CHRM3: variants seen among roughly 807,000 people sequenced by gnomAD.
CHRM3 encodes cholinergic receptor muscarinic 3.
In CHRM3, 11 loss-of-function variants were observed where a neutral mutation model predicts 41.8. The observed-to-expected ratio is 0.26, with a 90% confidence interval of 0.17 to 0.44. CHRM3 has a LOEUF of 0.44. CHRM3 is among the 20% of genes least tolerant of loss of function. CHRM3 has a pLI of 1.00. For synonymous variants in CHRM3, 297 were observed against 301.4 expected (o/e 0.99, Z 0.15); for missense variants, 571 against 745.4 (o/e 0.77, Z 2.72).
intron 4 of CHRM3, among the ~76,000 whole-genome samples, chr1:239,671,287 A>C (rs1674340036): frequency 6.6e-6 from 1 of 152,182 alleles, no homozygotes; most frequent in African/African-American, 2.4e-5. Context: ...CTTCAAAATA[A>C]AAAGCCCAGG....
At chr1:239,738,803 T>C (rs1664605602) in intron 5 of CHRM3, among the ~76,000 whole-genome samples, 2 of 152,170 alleles carry the variant, frequency 1.3e-5, no homozygotes, top group Non-Finnish European at 2.9e-5. Flanking sequence ...AGAAAAGCAC[T>C]GTGTAAATAG....
intron 1 of CHRM3, among the ~76,000 whole-genome samples, chr1:239,404,412 AAGAAAG>A (rs1206699031): frequency 1.5e-4 from 6 of 41,326 alleles, no homozygotes; most frequent in Non-Finnish European, 1.8e-4. Context: ...AAGAAAGAAA[AAGAAAG>A]AAAGAAAGAA....
intron 1 of CHRM3, among the ~76,000 whole-genome samples, chr1:239,438,204 G>T (rs866549210): frequency 1.3e-5 from 2 of 151,944 alleles, no homozygotes; most frequent in African/African-American, 2.4e-5. Context: ...TTCCACTATA[G>T]AATTTTTTTT....
chr1:239,441,569 G>C (rs1663721925), intron 1 of CHRM3, among the ~76,000 whole-genome samples: 1 of 152,172 alleles, frequency 6.6e-6, no homozygotes, highest in South Asian at 2.1e-4. Context: ...GACTGACTTT[G>C]TTCATATGTA....
chr1:239,639,578 G>A (rs1279637489), intron 4 of CHRM3, among the ~76,000 whole-genome samples: 19 of 151,858 alleles, frequency 1.3e-4, no homozygotes, highest in Admixed American at 4.6e-4. Flanking sequence ...TGTTATTGGT[G>A]TATAAGAATG....
rs1680226983 is a variant in CHRM3 at position 239,909,372 on chromosome 1, T to C, written c.*148T>C. 1.4e-6 allele frequency: 1 copy of C among 694,390 alleles called. No homozygotes were observed. Among genetic ancestry groups the C allele is most frequent in the East Asian group, 2.8e-5 (1 of 35,286 alleles). 43.0% of individuals were successfully genotyped at this position (694,390 alleles called of 1,614,324 possible). A position where few individuals can be genotyped will look rare whatever the true frequency, so the allele number is the denominator to read the frequency against. ...AAGAAGCTGCCTGTTTACTGATCCATTGAATAAACCCATTTTAATAGAAAA... is the reference window on the plus strand; with the variant it reads ...AAGAAGCTGCCTGTTTACTGATCCACTGAATAAACCCATTTTAATAGAAAA... On this transcript the variant is annotated 3_prime_UTR_variant, in exon 7 of 7. Transcript: ENST00000676153.
intron 6 of CHRM3, among the ~76,000 whole-genome samples, chr1:239,836,318 A>G (rs1308788955): frequency 6.6e-6 from 1 of 152,246 alleles, no homozygotes; most frequent in African/African-American, 2.4e-5. Flanking sequence ...ATTCTGTTAC[A>G]TAATCAAGCA....
At chr1:239,392,768 T>C (rs1659152224) in intron 1 of CHRM3, among the ~76,000 whole-genome samples, 1 of 152,210 alleles carries the variant, frequency 6.6e-6, no homozygotes, top group South Asian at 2.1e-4. Context: ...CACTAAACTG[T>C]AGGAAAAAGG....
intron 6 of CHRM3, among the ~76,000 whole-genome samples, chr1:239,849,007 A>G (rs1674494570): frequency 6.6e-6 from 1 of 152,182 alleles, no homozygotes; most frequent in Non-Finnish European, 1.5e-5. Flanking sequence ...TCACCTTGCA[A>G]TCTTTGAGTG....
At chr1:239,498,581 T>C (rs1668027515) in intron 2 of CHRM3, among the ~76,000 whole-genome samples, 1 of 152,136 alleles carries the variant, frequency 6.6e-6, no homozygotes. Context: ...ACATAAACCA[T>C]TAAGTATAGA....
At chr1:239,593,138 A>C (rs1171338909) in intron 3 of CHRM3, among the ~76,000 whole-genome samples, 2 of 152,114 alleles carry the variant, frequency 1.3e-5, no homozygotes, top group Non-Finnish European at 2.9e-5. Flanking sequence ...TTCCTTATAT[A>C]CTTTACCCCT....
intron 3 of CHRM3, among the ~76,000 whole-genome samples, chr1:239,591,213 G>A (rs555188291): frequency 9.9e-5 from 15 of 152,168 alleles, no homozygotes; most frequent in African/African-American, 2.6e-4. Flanking sequence ...TGACAATTCC[G>A]CCTCTATAAA....
At chr1:239,757,423 G>A (rs1258195828) in intron 5 of CHRM3, among the ~76,000 whole-genome samples, 1 of 152,106 alleles carries the variant, frequency 6.6e-6, no homozygotes, top group East Asian at 1.9e-4. Context: ...GAGGTCAGGA[G>A]ATCGAGACCA....
chr1:239,404,416 AAGAAAGAAAG>A lies in CHRM3; in HGVS notation c.-521+17191_-521+17200del, dbSNP rs1558195815. Among the ~76,000 whole-genome samples, 119 of 78,336 alleles carry A rather than the reference AAGAAAGAAAG, an allele frequency of 1.5e-3. 1 individual carries two copies. Among genetic ancestry groups the A allele is most frequent in the African/African-American group, 6.1e-3 (110 of 17,980 alleles). 51.4% of individuals were successfully genotyped at this position (78,336 alleles called of 152,430 possible). A position where few individuals can be genotyped will look rare whatever the true frequency, so the allele number is the denominator to read the frequency against. ...AGAAAGAAAGAAAGAAAGAAAAAGAAAGAAAGAAAGAAAGAAAGAAAGAAAGAAAGAAAGA... is the reference window on the plus strand; with the variant it reads ...AGAAAGAAAGAAAGAAAGAAAAAGAAAAAGAAAGAAAGAAAGAAAGAAAGA... On this transcript the variant is annotated intron_variant, in intron 1 of 6. Coordinates refer to ENST00000676153, the MANE Select transcript of CHRM3 (RefSeq NM_001375978.1).
chr1:239,650,448 A>C (rs892873977), intron 4 of CHRM3, among the ~76,000 whole-genome samples: 1 of 152,238 alleles, frequency 6.6e-6, no homozygotes, highest in Non-Finnish European at 1.5e-5. Context: ...CACACAGTAA[A>C]CAGAGTAAAG....
intron 3 of CHRM3, among the ~76,000 whole-genome samples, chr1:239,573,130 G>A (rs969061417): frequency 1.3e-5 from 2 of 152,058 alleles, no homozygotes; most frequent in South Asian, 2.1e-4. Flanking sequence ...CCATCGCCAC[G>A]AGGCTGCCTA....
intron 3 of CHRM3, among the ~76,000 whole-genome samples, chr1:239,601,074 T>A (rs1256820932): frequency 6.6e-6 from 1 of 152,206 alleles, no homozygotes; most frequent in African/African-American, 2.4e-5. Context: ...TTTGTAGGAA[T>A]CCAGTGGAGA....
chr1:239,759,556 T>A (rs73122583), intron 5 of CHRM3, among the ~76,000 whole-genome samples: 5,062 of 152,226 alleles, frequency 0.033, 289 homozygotes, highest in African/African-American at 0.12. Context: ...CAGCAGTATG[T>A]CTTTTTAGAA....
chr1:239,672,389 C>T (rs915173474), intron 4 of CHRM3, among the ~76,000 whole-genome samples: 17 of 152,126 alleles, frequency 1.1e-4, no homozygotes, highest in Non-Finnish European at 1.5e-5. Context: ...AGACCAAGAA[C>T]AGAGATGTCG....
Sources: allele counts gnomAD v4.1 joint callset (sites outside exome capture counted in the v4.1 genomes callset), GRCh38; gene constraint gnomAD v4.1.1; transcripts MANE v1.5; gene names NCBI Gene and HGNC (gene_info 2026-07-23, HGNC 2026-07-21).